Variants in GLCE observed in about 807,000 individuals in gnomAD.
GLCE encodes the protein D-glucuronyl C5-epimerase.
GLCE carries 19 observed loss-of-function variants against 47.9 expected under a neutral mutation model. The observed-to-expected ratio is 0.40, with a 90% confidence interval of 0.28 to 0.58. The LOEUF (loss-of-function observed/expected upper bound fraction) is 0.58. Ranked by LOEUF, GLCE falls within the 20% of genes least tolerant of loss-of-function variation. The pLI is 0.48. For synonymous variants in GLCE, 245 were observed against 263.4 expected (o/e 0.93, Z 0.68); for missense variants, 556 against 743.3 (o/e 0.75, Z 2.93).
chr15:69,237,157 TA>T (rs1357425858), intron 2 of GLCE, among the ~76,000 whole-genome samples: 2 of 152,222 alleles, frequency 1.3e-5, no homozygotes, highest in African/African-American at 4.8e-5. Flanking sequence ...CAGTATTGTT[TA>T]TTCTACCAGA....
Position 69,261,474 on chromosome 15 carries a change from A to T in GLCE, c.829+145A>T, listed in dbSNP as rs746316184. ...TAAAGTAACAAATGGTGTCACCCCA[A>T]TGAAATCTCTAAAAAAGATACAGCT... is the stretch of plus-strand genomic sequence containing the variant. On this transcript the variant is annotated intron_variant, in intron 4 of 4. Transcript: ENST00000261858. The T allele has an allele frequency of 3.3e-4, 256 of 764,608 alleles. 1 individual carries two copies. Among genetic ancestry groups the T allele is most frequent in the Non-Finnish European group, 5.0e-4 (238 of 474,908 alleles). 47.4% of individuals were successfully genotyped at this position (764,608 alleles called of 1,614,324 possible). A position where few individuals can be genotyped will look rare whatever the true frequency, so the allele number is the denominator to read the frequency against.
rs151218840 is a variant in GLCE at position 69,251,150 on chromosome 15, C to T, written c.-13-4644C>T. On this transcript the variant is annotated intron_variant, in intron 2 of 4. Transcript: ENST00000261858. ...CCTTCTAGAAGTGTCTGGTTGCTTC[C>T]TCCTTTAACTTGTTCCTCTATCCCT... is the stretch of plus-strand genomic sequence containing the variant. Among the ~76,000 whole-genome samples, 694 of 152,280 alleles carry T rather than the reference C, an allele frequency of 4.6e-3. 7 individuals carry two copies. The highest frequency in any genetic ancestry group is 0.015 in the African/African-American group (608 of 41,548).
intron 4 of GLCE, among the ~76,000 whole-genome samples, chr15:69,265,510 A>G (rs2053072900): frequency 6.6e-6 from 1 of 152,174 alleles, no homozygotes; most frequent in African/African-American, 2.4e-5. Flanking sequence ...TAAATTGAGG[A>G]TTGTGACTTC....
intron 2 of GLCE, among the ~76,000 whole-genome samples, chr15:69,210,986 T>G (rs1370625511): frequency 6.6e-6 from 1 of 152,146 alleles, no homozygotes; most frequent in African/African-American, 2.4e-5. Context: ...TATGTAATTA[T>G]AATACATGAA....
intron 4 of GLCE, chr15:69,266,851 T>C (rs961135880): frequency 1.4e-4 from 28 of 203,704 alleles, no homozygotes; most frequent in African/African-American, 6.5e-4. Context: ...GGGCAAACCA[T>C]TTAACCTTGC....
Position 69,170,309 on chromosome 15 carries a change from G to GTCT in GLCE, c.-105+9554_-105+9556dup, listed in dbSNP as rs756870513. ...CAATTTTTAAAAGAATGCCTCAGATGTCTTGTAAGGTAAAATATATTTTAT... is the reference window on the plus strand; with the variant it reads ...CAATTTTTAAAAGAATGCCTCAGATGTCTTCTTGTAAGGTAAAATATATTTTAT... On this transcript the variant is annotated intron_variant, in intron 1 of 4. Coordinates refer to ENST00000261858, the MANE Select transcript of GLCE (RefSeq NM_015554.3). Among the ~76,000 whole-genome samples the GTCT allele has an allele frequency of 1.3e-3, 200 of 152,132 alleles. 1 individual carries two copies. The highest frequency in any genetic ancestry group is 2.4e-3 in the Non-Finnish European group (166 of 67,940).
chr15:69,245,864 G>T (rs2052739556), intron 2 of GLCE, among the ~76,000 whole-genome samples: 1 of 152,078 alleles, frequency 6.6e-6, no homozygotes, highest in Non-Finnish European at 1.5e-5. Flanking sequence ...AAGTAGCTGG[G>T]ATTACAGGTG....
chr15:69,226,075 GAC>G (rs1487359035), intron 2 of GLCE, among the ~76,000 whole-genome samples: 194 of 145,962 alleles, frequency 1.3e-3, no homozygotes, highest in African/African-American at 4.9e-3. Context: ...CACACACACA[GAC>G]ACACACACAC....
rs568671764 is a variant in GLCE at position 69,262,344 on chromosome 15, AAAC to A, written c.829+1020_829+1022del. 1.0e-3 allele frequency among the ~76,000 whole-genome samples: 159 copies of A among 152,354 alleles called. 1 individual carries two copies. The highest frequency in any genetic ancestry group is 0.01 in the Middle Eastern group (3 of 294). On this transcript the variant is annotated intron_variant, in intron 4 of 4. Transcript: ENST00000261858. ...TACACAGAGCATCTTTGCTTATTGT[AAAC>A]AACAGGTTTGGCTGAGTGAGAAAGT...
chr15:69,238,972 A>G (rs1595775122), intron 2 of GLCE, among the ~76,000 whole-genome samples: 2 of 152,342 alleles, frequency 1.3e-5, no homozygotes, highest in Middle Eastern at 3.4e-3. Context: ...AGATATAGTA[A>G]AGGGCGACAT....
chr15:69,174,979 T>C (rs979858187), intron 1 of GLCE, among the ~76,000 whole-genome samples: 1 of 152,104 alleles, frequency 6.6e-6, no homozygotes, highest in African/African-American at 2.4e-5. Context: ...TAAGGTTTTT[T>C]AAAAAAATTA....
intron 1 of GLCE, among the ~76,000 whole-genome samples, chr15:69,161,359 A>AT (rs2140317729): frequency 6.7e-6 from 1 of 150,276 alleles, no homozygotes; most frequent in South Asian, 2.1e-4. Flanking sequence ...AGAGCGATGT[A>AT]TCCGTTCCGC....
At chr15:69,233,903 C>T (rs1350772634) in intron 2 of GLCE, among the ~76,000 whole-genome samples, 1 of 151,644 alleles carries the variant, frequency 6.6e-6, no homozygotes, top group African/African-American at 2.4e-5. Context: ...CAGCTTGTTG[C>T]AGGAAGAAAA....
rs1188788873 is a variant in GLCE, at chr15:69,230,419, T to G, written c.-14+20013T>G. On this transcript the variant is annotated intron_variant, in intron 2 of 4. Coordinates refer to ENST00000261858, the MANE Select transcript of GLCE (RefSeq NM_015554.3). ...CATGTAGGCCCCTAATAATGGAGCA[T>G]TAAAATAGATGAAGGAAAATTAATA... 3.9e-5 allele frequency among the ~76,000 whole-genome samples: 6 copies of G among 152,168 alleles called. 1 individual carries two copies. The South Asian group carries it at 1.2e-3, about 32-fold the overall frequency.
At chr15:69,178,916 A>C (rs1225084619) in intron 1 of GLCE, among the ~76,000 whole-genome samples, 1 of 152,208 alleles carries the variant, frequency 6.6e-6, no homozygotes, top group African/African-American at 2.4e-5. Context: ...GATGTCATAT[A>C]GTCATAAAAA....
At chr15:69,191,614 G>A (rs1027777910) in intron 1 of GLCE, among the ~76,000 whole-genome samples, 5 of 152,144 alleles carry the variant, frequency 3.3e-5, no homozygotes, top group Non-Finnish European at 7.4e-5. Context: ...ATTGGGAGCT[G>A]GTCAGGTAAG....
intron 1 of GLCE, among the ~76,000 whole-genome samples, chr15:69,179,271 A>G (rs944757528): frequency 2.0e-5 from 3 of 152,214 alleles, no homozygotes; most frequent in African/African-American, 7.2e-5. Flanking sequence ...TTGTCAAGAG[A>G]ATATTACATT....
At chr15:69,241,473 T>C (rs2052670775) in intron 2 of GLCE, among the ~76,000 whole-genome samples, 1 of 152,210 alleles carries the variant, frequency 6.6e-6, no homozygotes, top group Non-Finnish European at 1.5e-5. Flanking sequence ...CTTGAATCAC[T>C]GCTTTGTAAA....
intron 1 of GLCE, among the ~76,000 whole-genome samples, chr15:69,186,864 A>T (rs1011845049): frequency 6.6e-6 from 1 of 152,136 alleles, no homozygotes; most frequent in African/African-American, 2.4e-5. Context: ...CTGTTTTCTC[A>T]TATACACTTT....
Sources: gnomAD v4.1 joint callset for allele counts (sites outside exome capture counted in the v4.1 genomes callset) on GRCh38, gnomAD v4.1.1 for gene constraint, MANE v1.5 for transcripts, NCBI Gene and HGNC (gene_info 2026-07-23, HGNC 2026-07-21) for gene names.